The following RNF216 variants were observed in gnomAD, a reference collection of about 807,000 sequenced individuals.
The protein encoded by RNF216 is E3 ubiquitin-protein ligase RNF216.
RNF216 carries 72 observed loss-of-function variants against 110.8 expected under a neutral mutation model. The observed-to-expected ratio is 0.65, with a 90% confidence interval of 0.54 to 0.79. The LOEUF is 0.79. Ranked by LOEUF, RNF216 falls within the 30% of genes least tolerant of loss-of-function variation. RNF216 has a pLI of 0.00. For synonymous variants in RNF216, 495 were observed against 407.5 expected (o/e 1.21, Z -2.59); for missense variants, 1,342 against 1,141.2 (o/e 1.18, Z -2.54).
intron 8 of RNF216, among the ~76,000 whole-genome samples, chr7:5,721,583 G>C (rs1017508272): frequency 3.9e-5 from 6 of 152,180 alleles, no homozygotes; most frequent in African/African-American, 1.4e-4. Flanking sequence ...CATGGGATAG[G>C]CTTACTTCCA....
chr7:5,748,868 T>G (rs1795184007), intron 3 of RNF216, among the ~76,000 whole-genome samples: 3 of 152,166 alleles, frequency 2.0e-5, no homozygotes, highest in African/African-American at 7.2e-5. Flanking sequence ...AAGTGTAAAC[T>G]GTATTTGAAA....
intron 1 of RNF216, among the ~76,000 whole-genome samples, chr7:5,772,897 C>T (rs1584621627): frequency 6.6e-6 from 1 of 151,832 alleles, no homozygotes; most frequent in East Asian, 1.9e-4. Context: ...TCCTGCCTCA[C>T]CCTCCCGAGT....
At chr7:5,724,033 G>T (rs1793604543) in intron 8 of RNF216, among the ~76,000 whole-genome samples, 1 of 152,144 alleles carries the variant, frequency 6.6e-6, no homozygotes, top group Non-Finnish European at 1.5e-5. Flanking sequence ...ACAAGAAACT[G>T]AATCAAATGA....
intron 3 of RNF216, among the ~76,000 whole-genome samples, chr7:5,743,236 T>C (rs1794859834): frequency 6.6e-6 from 1 of 152,030 alleles, no homozygotes; most frequent in South Asian, 2.1e-4. Flanking sequence ...CACTCCAGCC[T>C]GGAGACAGAG....
At chr7:5,735,542 A>G (rs914537749) in intron 5 of RNF216, among the ~76,000 whole-genome samples, 3 of 150,730 alleles carry the variant, frequency 2.0e-5, no homozygotes, top group Non-Finnish European at 4.4e-5. Flanking sequence ...GTAACACGGT[A>G]GATGAGTTAA....
intron 13 of RNF216, among the ~76,000 whole-genome samples, chr7:5,694,960 A>C (rs1791537260): frequency 6.6e-6 from 1 of 152,214 alleles, no homozygotes; most frequent in African/African-American, 2.4e-5. Flanking sequence ...CTGACATACA[A>C]ATCCACCAAC....
At chr7:5,742,679 T>G (rs2128655265) in intron 3 of RNF216, among the ~76,000 whole-genome samples, 1 of 147,166 alleles carries the variant, frequency 6.8e-6, no homozygotes, top group South Asian at 2.2e-4. Context: ...CACTCCAACT[T>G]CTGCCTCCCA....
intron 3 of RNF216, among the ~76,000 whole-genome samples, chr7:5,746,496 A>C (rs550084795): frequency 5.3e-5 from 8 of 152,234 alleles, no homozygotes; most frequent in African/African-American, 1.9e-4. Flanking sequence ...GGAGGGTATA[A>C]ACTCAGGCTT....
chr7:5,697,559 T>C (rs536272947), intron 13 of RNF216, among the ~76,000 whole-genome samples: 12 of 152,292 alleles, frequency 7.9e-5, no homozygotes, highest in African/African-American at 2.9e-4. Flanking sequence ...TTTTGTTTGT[T>C]TAAAGAGATG....
At chr7:5,625,784 G>C (rs1332893105) in intron 15 of RNF216, among the ~76,000 whole-genome samples, 2 of 152,200 alleles carry the variant, frequency 1.3e-5, no homozygotes, top group Non-Finnish European at 2.9e-5. Context: ...ACATTCCCTT[G>C]GTTTGGTAGA....
intron 13 of RNF216, among the ~76,000 whole-genome samples, chr7:5,667,848 T>TA (rs1473992866): frequency 2.6e-5 from 4 of 152,178 alleles, no homozygotes; most frequent in Non-Finnish European, 4.4e-5. Flanking sequence ...CAGCTGGACT[T>TA]AAAGTCACTG....
At chr7:5,764,210 T>TA (rs79117988) in intron 1 of RNF216, among the ~76,000 whole-genome samples, 8,089 of 115,502 alleles carry the variant, frequency 0.07, 290 homozygotes, top group African/African-American at 0.13. Context: ...ATAAACTAAT[T>TA]AAAAAAAAAA....
chr7:5,652,390 C>G (rs892459759), intron 14 of RNF216, 23 bp downstream of exon 14: 6 of 1,523,782 alleles, frequency 3.9e-6, no homozygotes, highest in South Asian at 2.2e-5. Context: ...CAGCCCATAG[C>G]CCCTCTGAAT....
intron 13 of RNF216, among the ~76,000 whole-genome samples, chr7:5,689,242 C>G (rs1791175187): frequency 6.6e-6 from 1 of 151,600 alleles, no homozygotes; most frequent in Non-Finnish European, 1.5e-5. Context: ...GCTCCAGAAG[C>G]TGATATGGCA....
At chr7:5,737,982 G>GGA (rs949792592) in intron 5 of RNF216, among the ~76,000 whole-genome samples, 90 of 151,096 alleles carry the variant, frequency 6.0e-4, no homozygotes, top group African/African-American at 2.1e-3. Flanking sequence ...CAGCTACTCA[G>GGA]GAGACTGAGC....
At chr7:5,684,825 C>A (rs897436171) in intron 13 of RNF216, among the ~76,000 whole-genome samples, 1 of 150,398 alleles carries the variant, frequency 6.6e-6, no homozygotes, top group Admixed American at 6.7e-5. Context: ...TGACATGCCT[C>A]ACATTTTTAA....
intron 9 of RNF216, 95 bp from the exon 10 acceptor site, chr7:5,716,861 G>A: frequency 1.1e-6 from 1 of 946,214 alleles, no homozygotes; most frequent in Admixed American, 2.1e-5. Flanking sequence ...CTCCAGTATT[G>A]CGATCTCTTC....
At chr7:5,642,080 GGAGAT>G (rs941273782) in intron 14 of RNF216, among the ~76,000 whole-genome samples, 7 of 150,130 alleles carry the variant, frequency 4.7e-5, no homozygotes, top group Admixed American at 3.3e-4. Flanking sequence ...ACATTGTCAA[GGAGAT>G]GAGGTTTAGA....
chr7:5,700,571 G>A (rs1791901580), intron 13 of RNF216, among the ~76,000 whole-genome samples: 1 of 152,148 alleles, frequency 6.6e-6, no homozygotes, highest in Non-Finnish European at 1.5e-5. Flanking sequence ...GATCCCCACA[G>A]GCTGTGACAA....
Sources: allele counts gnomAD v4.1 joint callset (sites outside exome capture counted in the v4.1 genomes callset), GRCh38; gene constraint gnomAD v4.1.1; transcripts MANE v1.5; gene names NCBI Gene and HGNC (gene_info 2026-07-23, HGNC 2026-07-21).